GPC5: variants seen among roughly 807,000 people sequenced by gnomAD.
GPC5 encodes glypican 5, also known as glypican-5.
In GPC5, 47 loss-of-function variants were observed where a neutral mutation model predicts 53.9. That is an observed-to-expected ratio of 0.87 (90% confidence interval 0.69 to 1.11). The LOEUF is 1.11. Among genes scored for constraint, GPC5 ranks in the 50% most tolerant of loss-of-function variants. The pLI is 0.00. For missense variants in GPC5, 748 were observed against 713.1 expected (o/e 1.05, Z -0.56); for synonymous variants, 286 against 263.3 (o/e 1.09, Z -0.84).
At chr13:92,531,180 T>C (rs1881551898) in intron 7 of GPC5, among the ~76,000 whole-genome samples, 1 of 152,146 alleles carries the variant, frequency 6.6e-6, no homozygotes, top group Non-Finnish European at 1.5e-5. Context: ...ACTCTGACAG[T>C]TGATAAGTTA....
intron 2 of GPC5, among the ~76,000 whole-genome samples, chr13:91,675,409 A>G (rs900960258): frequency 2.0e-5 from 3 of 152,144 alleles, no homozygotes; most frequent in African/African-American, 7.2e-5. Context: ...AATAATTTCC[A>G]CACTAACATT....
chr13:92,801,047 C>T (rs2138786994), intron 7 of GPC5, among the ~76,000 whole-genome samples: 1 of 151,258 alleles, frequency 6.6e-6, no homozygotes, highest in South Asian at 2.1e-4. Flanking sequence ...AGAAAACTAG[C>T]TTTTTGGGGG....
At chr13:91,470,518 C>T (rs182942567) in intron 2 of GPC5, among the ~76,000 whole-genome samples, 35 of 152,046 alleles carry the variant, frequency 2.3e-4, no homozygotes, top group Non-Finnish European at 3.7e-4. Flanking sequence ...GGCATCGGAG[C>T]GCATATTGGA....
intron 6 of GPC5, among the ~76,000 whole-genome samples, chr13:92,034,707 A>G (rs887053407): frequency 2.0e-5 from 3 of 152,040 alleles, no homozygotes; most frequent in African/African-American, 7.2e-5. Flanking sequence ...CTGTTTGCAT[A>G]TTTTATTGAT....
At chr13:91,475,430 T>G (rs1394685650) in intron 2 of GPC5, among the ~76,000 whole-genome samples, 2 of 152,158 alleles carry the variant, frequency 1.3e-5, no homozygotes, top group African/African-American at 4.8e-5. Flanking sequence ...AAAAATTGTG[T>G]AAAAATAGTG....
intron 6 of GPC5, among the ~76,000 whole-genome samples, chr13:92,019,773 G>A (rs983553057): frequency 3.3e-5 from 5 of 151,460 alleles, no homozygotes; most frequent in African/African-American, 1.2e-4. Flanking sequence ...AAACAAAAAT[G>A]AAAGAATAGA....
intron 5 of GPC5, among the ~76,000 whole-genome samples, chr13:91,854,042 C>G (rs903062188): frequency 2.7e-4 from 41 of 151,510 alleles, no homozygotes; most frequent in African/African-American, 9.5e-4. Flanking sequence ...TTTATTTATG[C>G]ACTTACTCTG....
intron 7 of GPC5, among the ~76,000 whole-genome samples, chr13:92,160,825 A>G (rs1203450121): frequency 6.6e-6 from 1 of 152,196 alleles, no homozygotes; most frequent in East Asian, 1.9e-4. Flanking sequence ...GCAGCATGCC[A>G]TTGGTTTTTG....
chr13:92,335,359 T>C lies in GPC5; in HGVS notation c.1561+190370T>C, dbSNP rs545858822. Among the ~76,000 whole-genome samples the C allele has an allele frequency of 9.9e-5, 15 of 152,258 alleles. No homozygotes were observed. In the East Asian group the frequency reaches 2.5e-3, roughly 26 times the overall value. ...GCTGGAGTGGCTGGGCACAGGACAC[T>C]GAGTCCCAAGGCTGAATACAGAAGG... On this transcript the variant is annotated intron_variant, in intron 7 of 7. Coordinates refer to ENST00000377067, the MANE Select transcript of GPC5 (RefSeq NM_004466.6).
intron 7 of GPC5, among the ~76,000 whole-genome samples, chr13:92,858,882 T>C (rs1032360185): frequency 1.3e-5 from 2 of 152,164 alleles, no homozygotes; most frequent in African/African-American, 4.8e-5. Flanking sequence ...AAGTACTCAT[T>C]TCTTCTACAT....
chr13:92,615,025 T>C (rs1884634949), intron 7 of GPC5, among the ~76,000 whole-genome samples: 2 of 152,228 alleles, frequency 1.3e-5, no homozygotes, highest in Non-Finnish European at 2.9e-5. Flanking sequence ...AAAACAGTAA[T>C]GCTTTTCTCC....
At chr13:91,840,563 A>G (rs1291768708) in intron 5 of GPC5, among the ~76,000 whole-genome samples, 3 of 151,984 alleles carry the variant, frequency 2.0e-5, no homozygotes, top group Non-Finnish European at 4.4e-5. Flanking sequence ...ACAAAATATG[A>G]GACTACAAGG....
chr13:91,434,034 T>A lies in GPC5; in HGVS notation c.164-14727T>A, dbSNP rs530681890. Among the ~76,000 whole-genome samples, 6 of 152,350 alleles carry A rather than the reference T, an allele frequency of 3.9e-5. No individual in the cohort carries two copies. In the East Asian group the frequency reaches 1.2e-3, roughly 29 times the overall value. On this transcript the variant is annotated intron_variant, in intron 1 of 7. Transcript: ENST00000377067. ...GTGTCTGTTCATATCCTTTGCCCAC[T>A]TTTTGATGGGGTTGCTTGTTTTTTT... is the stretch of plus-strand genomic sequence containing the variant.
chr13:92,309,854 T>C (rs1406779632), intron 7 of GPC5, among the ~76,000 whole-genome samples: 1 of 152,154 alleles, frequency 6.6e-6, no homozygotes, highest in Non-Finnish European at 1.5e-5. Context: ...GTATTTAACC[T>C]ATTTAGCTAA....
chr13:92,433,634 C>G (rs1191545751), intron 7 of GPC5, among the ~76,000 whole-genome samples: 2 of 151,966 alleles, frequency 1.3e-5, no homozygotes, highest in Admixed American at 1.3e-4. Flanking sequence ...GAATGTTATG[C>G]CTGCAATAAT....
intron 7 of GPC5, among the ~76,000 whole-genome samples, chr13:92,609,606 G>A (rs546342670): frequency 1.3e-5 from 2 of 152,216 alleles, no homozygotes; most frequent in East Asian, 3.9e-4. Flanking sequence ...CTGCTGTGTT[G>A]ACCAGCTTTC....
chr13:92,301,915 AATT>A lies in GPC5; in HGVS notation c.1561+156928_1561+156930del, dbSNP rs747779925. Among the ~76,000 whole-genome samples the A allele has an allele frequency of 6.6e-5, 10 of 150,954 alleles. No individual in the cohort carries two copies. In the East Asian group the frequency reaches 1.2e-3, roughly 17 times the overall value. Reference sequence around the variant, plus strand: ...TGTCTCAAAAATAAATAAATAAATTAATTAATTAATTAATATCGACCACAGCTC... The same window carrying A: ...TGTCTCAAAAATAAATAAATAAATTAAATTAATTAATATCGACCACAGCTC... On this transcript the variant is annotated intron_variant, in intron 7 of 7. Transcript: ENST00000377067.
chr13:91,580,549 A>C (rs1007910318), intron 2 of GPC5, among the ~76,000 whole-genome samples: 2 of 152,126 alleles, frequency 1.3e-5, no homozygotes, highest in African/African-American at 4.8e-5. Flanking sequence ...TCTTACTTCA[A>C]TTTACCCTCT....
At chr13:92,110,428 G>T (rs1194039202) in intron 6 of GPC5, among the ~76,000 whole-genome samples, 1 of 152,074 alleles carries the variant, frequency 6.6e-6, no homozygotes, top group Non-Finnish European at 1.5e-5. Flanking sequence ...CAGCTTCCAT[G>T]AATTATTCTA....
Sources: gnomAD v4.1 joint callset for allele counts (sites outside exome capture counted in the v4.1 genomes callset) on GRCh38, gnomAD v4.1.1 for gene constraint, MANE v1.5 for transcripts, NCBI Gene and HGNC (gene_info 2026-07-23, HGNC 2026-07-21) for gene names.